MAGI2: variants seen among roughly 807,000 people sequenced by gnomAD.
MAGI2 encodes the protein membrane-associated guanylate kinase, WW and PDZ domain-containing protein 2.
MAGI2 carries 35 observed loss-of-function variants against 133.3 expected under a neutral mutation model. That is an observed-to-expected ratio of 0.26 (90% CI 0.20 to 0.35). The LOEUF is 0.35. Ranked by LOEUF, MAGI2 falls within the 10% of genes least tolerant of loss-of-function variation. The probability of loss-of-function intolerance (pLI) is 1.00; values close to 1 mark genes in which losing one functional copy is unlikely to be tolerated. For missense variants in MAGI2, 1,636 were observed against 1,863.4 expected, an observed-to-expected ratio of 0.88 and a Z score of 2.25; for synonymous variants, 729 against 710.6, an observed-to-expected ratio of 1.03 and a Z score of -0.41.
chr7:78,656,527 G>A (rs1395408127), intron 2 of MAGI2, among the ~76,000 whole-genome samples: 1 of 152,088 alleles, frequency 6.6e-6, no homozygotes, highest in Non-Finnish European at 1.5e-5. Flanking sequence ...TCTACCAGGG[G>A]CAGGGTACTG....
chr7:78,654,744 T>C lies in MAGI2; in HGVS notation c.419-27505A>G, dbSNP rs550134689. On this transcript the variant is annotated intron_variant, in intron 2 of 21. Coordinates refer to ENST00000354212, the MANE Select transcript of MAGI2 (RefSeq NM_012301.4). ...ATATATATATATATATATATATATA[T>C]ATATAGCATATATTTTGCATCGCAA... 8.8e-3 allele frequency among the ~76,000 whole-genome samples: 812 copies of C among 92,432 alleles called. 19 individuals carry two copies. Among genetic ancestry groups the C allele is most frequent in the African/African-American group, 0.029 (779 of 27,060 alleles). The allele number at this position is 92,432 out of a possible 152,430, so 60.6% of individuals were successfully genotyped here. A position where few individuals can be genotyped will look rare whatever the true frequency, so the allele number is the denominator to read the frequency against.
At chr7:79,023,238 A>G (rs756632538) in intron 1 of MAGI2, among the ~76,000 whole-genome samples, 10 of 152,182 alleles carry the variant, frequency 6.6e-5, no homozygotes, top group Non-Finnish European at 1.2e-4. Flanking sequence ...AGAAAACAAC[A>G]TGATTATATC....
intron 6 of MAGI2, among the ~76,000 whole-genome samples, chr7:78,400,482 C>T (rs1030552704): frequency 3.9e-5 from 6 of 151,936 alleles, no homozygotes; most frequent in Non-Finnish European, 7.4e-5. Flanking sequence ...GTTATTGGGA[C>T]TTGGGAAATG....
chr7:78,379,128 T>C (rs1794701649), intron 6 of MAGI2, among the ~76,000 whole-genome samples: 1 of 151,596 alleles, frequency 6.6e-6, no homozygotes, highest in African/African-American at 2.4e-5. Context: ...CCATCCTAAA[T>C]ACAGAAATAA....
chr7:78,652,243 T>C (rs936761514), intron 2 of MAGI2, among the ~76,000 whole-genome samples: 5 of 152,210 alleles, frequency 3.3e-5, no homozygotes, highest in African/African-American at 9.6e-5. Context: ...CACTTGGATC[T>C]ATTGCATCCA....
At chr7:78,453,441 G>A (rs1450759771) in intron 6 of MAGI2, among the ~76,000 whole-genome samples, 1 of 152,210 alleles carries the variant, frequency 6.6e-6, no homozygotes, top group Non-Finnish European at 1.5e-5. Context: ...CAAAAGCTTT[G>A]TATCTGTTCA....
intron 2 of MAGI2, among the ~76,000 whole-genome samples, chr7:78,896,579 T>C (rs1049967505): frequency 6.7e-6 from 1 of 150,042 alleles, no homozygotes; most frequent in African/African-American, 2.4e-5. Context: ...ATTATATGTA[T>C]ATATTTGAGA....
At chr7:78,768,843 C>A (rs776808835) in intron 2 of MAGI2, among the ~76,000 whole-genome samples, 5 of 152,172 alleles carry the variant, frequency 3.3e-5, no homozygotes, top group Non-Finnish European at 7.3e-5. Flanking sequence ...TGCCTCAACA[C>A]TGTACCTCTT....
At chr7:78,375,177 G>A (rs903120377) in intron 6 of MAGI2, among the ~76,000 whole-genome samples, 1 of 152,056 alleles carries the variant, frequency 6.6e-6, no homozygotes. Context: ...ATATTCAAGA[G>A]AATGACTTTT....
intron 2 of MAGI2, among the ~76,000 whole-genome samples, chr7:78,648,296 A>G (rs1257427675): frequency 1.3e-5 from 2 of 152,204 alleles, no homozygotes; most frequent in Non-Finnish European, 2.9e-5. Flanking sequence ...TGTAACAAGG[A>G]AAAACCGAAA....
At chr7:78,431,632 T>C (rs1799803208) in intron 6 of MAGI2, among the ~76,000 whole-genome samples, 1 of 152,094 alleles carries the variant, frequency 6.6e-6, no homozygotes, top group South Asian at 2.1e-4. Flanking sequence ...GCAAAGTTGA[T>C]CCCAGAATCT....
At chr7:78,331,609 A>G (rs1456573188) in intron 9 of MAGI2, among the ~76,000 whole-genome samples, 1 of 152,214 alleles carries the variant, frequency 6.6e-6, no homozygotes, top group East Asian at 1.9e-4. Context: ...ACCTACTCCT[A>G]TACTATTAAG....
intron 1 of MAGI2, among the ~76,000 whole-genome samples, chr7:79,388,168 G>A (rs894292811): frequency 6.6e-6 from 1 of 151,780 alleles, no homozygotes; most frequent in Non-Finnish European, 1.5e-5. Flanking sequence ...CTTCTATTAA[G>A]ACCATTCATT....
intron 2 of MAGI2, 183 bp downstream of exon 2, chr7:79,006,907 C>A: frequency 2.2e-6 from 1 of 462,746 alleles, no homozygotes. Context: ...ACAACTTCAT[C>A]ATAAACCATA....
At chr7:78,249,549 T>C (rs554068272) in intron 10 of MAGI2, among the ~76,000 whole-genome samples, 1 of 152,248 alleles carries the variant, frequency 6.6e-6, no homozygotes, top group African/African-American at 2.4e-5. Flanking sequence ...TGAAATCCTG[T>C]CATTTGCAAC....
chr7:78,137,893 G>A (rs932060235), intron 16 of MAGI2, among the ~76,000 whole-genome samples: 1 of 146,964 alleles, frequency 6.8e-6, no homozygotes, highest in Non-Finnish European at 1.5e-5. Context: ...TACCTCTTAT[G>A]AGTACCTACC....
chr7:79,348,430 G>A (rs974611137), intron 1 of MAGI2, among the ~76,000 whole-genome samples: 2 of 151,798 alleles, frequency 1.3e-5, no homozygotes, highest in Non-Finnish European at 3.0e-5. Context: ...TTTGATGCTA[G>A]TACATAACTA....
At chr7:78,020,806 A>G (rs971778177) in intron 21 of MAGI2, among the ~76,000 whole-genome samples, 8 of 138,970 alleles carry the variant, frequency 5.8e-5, no homozygotes, top group African/African-American at 2.3e-4. Flanking sequence ...AATACATTTT[A>G]AAACTATCAT....
intron 7 of MAGI2, chr7:78,358,791 G>C (rs1043841176): frequency 1.1e-5 from 2 of 182,604 alleles, no homozygotes; most frequent in Non-Finnish European, 2.3e-5. Context: ...CAGCTCATGC[G>C]GCTGCAGAAA....
Sources: gnomAD v4.1 joint callset for allele counts (sites outside exome capture counted in the v4.1 genomes callset) on GRCh38, gnomAD v4.1.1 for gene constraint, MANE v1.5 for transcripts, NCBI Gene and HGNC (gene_info 2026-07-23, HGNC 2026-07-21) for gene names.